The following CRACDL variants were observed in gnomAD, a reference collection of about 807,000 sequenced individuals.
CRACDL encodes the protein CRACD like, also known as CRACD-like protein.
CRACDL carries 26 observed loss-of-function variants against 70.6 expected under a neutral mutation model. That is an observed-to-expected ratio of 0.37 (90% confidence interval 0.27 to 0.51). The LOEUF (loss-of-function observed/expected upper bound fraction) is 0.51, where lower values mean the gene tolerates loss of function less well. CRACDL is among the 20% of genes least tolerant of loss of function. CRACDL has a pLI of 0.94. For missense variants in CRACDL, 1,283 were observed against 1,376.9 expected (o/e 0.93, Z 1.08); for synonymous variants, 618 against 615.2 (o/e 1.00, Z -0.07).
intron 7 of CRACDL, among the ~76,000 whole-genome samples, chr2:98,803,433 C>T (rs981265495): frequency 3.9e-5 from 6 of 152,172 alleles, no homozygotes; most frequent in Non-Finnish European, 8.8e-5. Context: ...CCACTGCACC[C>T]GGCCTGATGC....
intron 1 of CRACDL, among the ~76,000 whole-genome samples, chr2:98,876,848 C>A (rs1176707769): frequency 6.6e-6 from 1 of 152,218 alleles, no homozygotes; most frequent in East Asian, 1.9e-4. Flanking sequence ...CTTCCCAGCA[C>A]CGACAGCATG....
intron 1 of CRACDL, among the ~76,000 whole-genome samples, chr2:98,852,915 G>A (rs570602258): frequency 3.4e-5 from 5 of 147,608 alleles, no homozygotes; most frequent in Non-Finnish European, 7.5e-5. Context: ...TGAAGAAGCA[G>A]GAGAGAGAAA....
At chr2:98,914,047 A>G (rs1336254285) in intron 1 of CRACDL, among the ~76,000 whole-genome samples, 1 of 152,216 alleles carries the variant, frequency 6.6e-6, no homozygotes, top group Non-Finnish European at 1.5e-5. Flanking sequence ...AGGCTAAGCA[A>G]TCACCTCTGC....
At chr2:98,903,398 A>G (rs1310365078) in intron 1 of CRACDL, among the ~76,000 whole-genome samples, 5 of 152,150 alleles carry the variant, frequency 3.3e-5, no homozygotes, top group Non-Finnish European at 1.5e-5. Flanking sequence ...TTCAAGACAC[A>G]TCGCTTGTAA....
rs1364119183 is a variant in CRACDL at position 98,936,225 on chromosome 2, C to A, written c.-298G>T. ...CGCGCCGGCTTCGCTCGGCTCCGCT[C>A]GGCTCGGCGGGGGCGGACGCCGCTC... On this transcript the variant is annotated 5_prime_UTR_variant, in exon 1 of 10. Coordinates refer to ENST00000397899, the MANE Select transcript of CRACDL (RefSeq NM_207362.3). 6.7e-6 allele frequency: 1 copy of A among 149,926 alleles called. No individual in the cohort carries two copies. The highest frequency in any genetic ancestry group is 1.5e-5 in the Non-Finnish European group (1 of 67,184). 9.3% of individuals were successfully genotyped at this position (149,926 alleles called of 1,614,324 possible).
chr2:98,884,741 A>C, intron 1 of CRACDL, among the ~76,000 whole-genome samples: 1 of 152,346 alleles, frequency 6.6e-6, no homozygotes, highest in African/African-American at 2.4e-5. Flanking sequence ...GAGAGAAGAC[A>C]GCTGTCCATG....
chr2:98,856,737 C>T (rs1023414191), intron 1 of CRACDL, among the ~76,000 whole-genome samples: 1 of 152,130 alleles, frequency 6.6e-6, no homozygotes, highest in African/African-American at 2.4e-5. Context: ...TTTAAAACTT[C>T]ATATTTTCCT....
intron 1 of CRACDL, among the ~76,000 whole-genome samples, chr2:98,848,090 A>C (rs533137612): frequency 2.6e-5 from 4 of 152,344 alleles, no homozygotes; most frequent in African/African-American, 7.2e-5. Context: ...ACTCATGATC[A>C]TGCTATCATT....
intron 1 of CRACDL, among the ~76,000 whole-genome samples, chr2:98,920,645 C>T (rs1708781123): frequency 6.6e-6 from 1 of 152,190 alleles, no homozygotes; most frequent in Admixed American, 6.5e-5. Flanking sequence ...AAAGCCTCCC[C>T]ATACTTCCCT....
rs563808668 is a variant in CRACDL, at chr2:98,894,705, C to T, written c.-11+41233G>A. Among the ~76,000 whole-genome samples the T allele has an allele frequency of 5.3e-5, 8 of 152,318 alleles. No homozygotes were observed. In the South Asian group the frequency reaches 1.4e-3, roughly 28 times the overall value. ...TGGATGGCATCTGGAGATCATGTCC[C>T]GTGGTTTAACACACTTATTTTCAAG... On this transcript the variant is annotated intron_variant, in intron 1 of 9. Coordinates refer to ENST00000397899, the MANE Select transcript of CRACDL (RefSeq NM_207362.3).
chr2:98,826,836 C>T, intron 6 of CRACDL, 139 bp downstream of exon 6: 1 of 594,646 alleles, frequency 1.7e-6, no homozygotes. Flanking sequence ...TCAGCTCCTG[C>T]AGCATGGCTC....
At chr2:98,821,033 T>G (rs1443572015) in intron 7 of CRACDL, among the ~76,000 whole-genome samples, 1 of 152,226 alleles carries the variant, frequency 6.6e-6, no homozygotes, top group Non-Finnish European at 1.5e-5. Context: ...GTTTCTTAGG[T>G]CAAAAGTGGG....
intron 1 of CRACDL, among the ~76,000 whole-genome samples, chr2:98,873,575 G>T (rs2104601999): frequency 6.6e-6 from 1 of 152,366 alleles, no homozygotes; most frequent in East Asian, 1.9e-4. Flanking sequence ...CAGGAAATAG[G>T]CGAGAGGATC....
chr2:98,905,514 C>G (rs1314003530), intron 1 of CRACDL, among the ~76,000 whole-genome samples: 1 of 152,162 alleles, frequency 6.6e-6, no homozygotes, highest in Non-Finnish European at 1.5e-5. Flanking sequence ...GTTACCCAGT[C>G]TCAGGTATTC....
chr2:98,875,183 G>A (rs775454593), intron 1 of CRACDL, among the ~76,000 whole-genome samples: 1 of 152,194 alleles, frequency 6.6e-6, no homozygotes, highest in African/African-American at 2.4e-5. Context: ...GGGCAGGCAC[G>A]GCCCCCCGCC....
intron 8 of CRACDL, among the ~76,000 whole-genome samples, chr2:98,796,770 G>C (rs1703840338): frequency 6.6e-6 from 1 of 152,146 alleles, no homozygotes; most frequent in African/African-American, 2.4e-5. Context: ...GGTGCTATTG[G>C]GGGATACAAA....
intron 7 of CRACDL, among the ~76,000 whole-genome samples, chr2:98,819,408 G>C (rs1704929328): frequency 6.6e-6 from 1 of 152,198 alleles, no homozygotes; most frequent in South Asian, 2.1e-4. Context: ...TACTTCAATG[G>C]CTTTTTGAAT....
chr2:98,820,528 A>G (rs1314358588), intron 7 of CRACDL, among the ~76,000 whole-genome samples: 1 of 152,194 alleles, frequency 6.6e-6, no homozygotes, highest in Non-Finnish European at 1.5e-5. Flanking sequence ...AGTGAGACGG[A>G]GTCTCAAAAA....
intron 1 of CRACDL, among the ~76,000 whole-genome samples, chr2:98,905,099 A>G (rs1422743338): frequency 6.6e-6 from 1 of 151,828 alleles, no homozygotes; most frequent in East Asian, 1.9e-4. Flanking sequence ...AAATACAAAA[A>G]TTTAGCCGGG....
Sources: allele counts gnomAD v4.1 joint callset (sites outside exome capture counted in the v4.1 genomes callset), GRCh38; gene constraint gnomAD v4.1.1; transcripts MANE v1.5; gene names NCBI Gene and HGNC (gene_info 2026-07-23, HGNC 2026-07-21).